FCGR2B: variants seen among roughly 807,000 people sequenced by gnomAD.
FCGR2B encodes low affinity immunoglobulin gamma Fc region receptor II-b.
Under a neutral mutation model 24.8 loss-of-function variants are expected in FCGR2B, and 18 were observed. That is an observed-to-expected ratio of 0.73 (90% CI 0.50 to 1.08). FCGR2B has a LOEUF of 1.08. FCGR2B is among the 50% of genes least tolerant of loss of function. The pLI is 0.00. For missense variants in FCGR2B, 215 were observed against 297.6 expected (o/e 0.72, Z 2.04); for synonymous variants, 79 against 109.8 (o/e 0.72, Z 1.75).
chr1:161,676,868 G>A (rs1475655078), intron 6 of FCGR2B: 2 of 184,084 alleles, frequency 1.1e-5, no homozygotes, highest in Non-Finnish European at 2.2e-5. Flanking sequence ...ATGCCATGGA[G>A]TACCATATTT....
the FCGR2B span, among the ~76,000 whole-genome samples, chr1:161,653,935 A>T: frequency 7.9e-6 from 1 of 127,162 alleles, no homozygotes; most frequent in African/African-American, 2.6e-5. Flanking sequence ...CTGGGAACTG[A>T]CTTGGCTGCG....
At position 161,678,078 on chromosome 1, in the gene FCGR2B, C is replaced by T. The variant is rs574286124; in HGVS notation, c.*525C>T. The T allele has an allele frequency of 9.2e-6, 2 of 218,146 alleles. No homozygotes were observed. The highest frequency in any genetic ancestry group is 1.8e-5 in the Non-Finnish European group (2 of 108,788). 13.5% of individuals were successfully genotyped at this position (218,146 alleles called of 1,614,324 possible). The stretch of plus-strand genomic sequence containing the variant: ...CAACATTCTGTTTACCTTTTCAAGG[C>T]TGTATTGGTTGGAGTGTAGACTGAA... On this transcript the variant is annotated 3_prime_UTR_variant, in exon 8 of 8. Transcript: ENST00000358671.
At chr1:161,649,526 C>A in the FCGR2B span, among the ~76,000 whole-genome samples, 1 of 150,824 alleles carries the variant, frequency 6.6e-6, no homozygotes, top group African/African-American at 2.5e-5. Context: ...TTTTCATGAA[C>A]AATTGATAAA....
chr1:161,650,043 T>A, the FCGR2B span, among the ~76,000 whole-genome samples: 1 of 150,606 alleles, frequency 6.6e-6, no homozygotes, highest in Non-Finnish European at 1.5e-5. Context: ...AGTCTCACTC[T>A]GTTGCCCAAG....
chr1:161,673,251 G>A (rs759071039), intron 4 of FCGR2B, 22 bp downstream of exon 4: 4 of 1,555,274 alleles, frequency 2.6e-6, no homozygotes, highest in Non-Finnish European at 3.5e-6. Flanking sequence ...CTGCCAAGAT[G>A]TAAGGAGGGG....
At chr1:161,661,259 A>G (rs150803036), upstream of FCGR2B, among the ~76,000 whole-genome samples, 209 of 32,548 alleles carry the variant, frequency 6.4e-3, 16 homozygotes, top group African/African-American at 0.014. Flanking sequence ...AGAAAGAAAG[A>G]AAGGAAGGAA....
chr1:161,671,716 G>A lies in FCGR2B; in HGVS notation c.391+67G>A, dbSNP rs990461662. On this transcript the variant is annotated intron_variant, in intron 3 of 7. Coordinates refer to ENST00000358671, the MANE Select transcript of FCGR2B (RefSeq NM_001394477.1). ...GACGGATGAAATCTGCTTTCAGGCA[G>A]AGGTTTGCAGGAAAGGGGGGTGGCC... 3.1e-6 allele frequency: 5 copies of A among 1,604,078 alleles called. No individual in the cohort carries two copies. In the African/African-American group the frequency reaches 6.7e-5, roughly 21 times the overall value.
the FCGR2B span, among the ~76,000 whole-genome samples, chr1:161,652,387 G>A: frequency 1.5e-5 from 2 of 130,062 alleles, no homozygotes; most frequent in Non-Finnish European, 3.4e-5. Context: ...ATCTACTGAT[G>A]ACCCTGTCAA....
Position 161,677,506 on chromosome 1 carries a change from A to G in FCGR2B, c.886A>G (p.Met296Val), listed in dbSNP as rs1239308872. Residue 296 changes from methionine to valine, a missense_variant, in exon 8 of 8, where the codon ATG becomes GTG. Met to Val is a conservative substitution (Grantham distance 21). This residue lies in a region of FCGR2B where 81 missense variants were observed against 81.6 expected (regional missense o/e 0.99). Transcript: ENST00000358671. The part of the protein sequence containing the change: ...AENTITYSLL[M>V]HPDALEEPDD... ...GAACACAATCACCTATTCACTTCTCATGCACCCGGATGCTCTGGAAGAGCC... is the reference window on the plus strand; with the variant it reads ...GAACACAATCACCTATTCACTTCTCGTGCACCCGGATGCTCTGGAAGAGCC... 1.2e-6 allele frequency: 2 copies of G among 1,613,946 alleles called. No individual in the cohort carries two copies. Among genetic ancestry groups the G allele is most frequent in the African/African-American group, 1.3e-5 (1 of 74,974 alleles).
intron 3 of FCGR2B, 46 bp from the exon 4 acceptor site, chr1:161,672,929 T>A (rs1417699093): frequency 6.2e-7 from 1 of 1,611,092 alleles, no homozygotes; most frequent in East Asian, 2.2e-5. Context: ...GTCTCAGAGC[T>A]GAGCCAAGAC....
chr1:161,672,635 T>C (rs1243910866), intron 3 of FCGR2B: 7 of 412,620 alleles, frequency 1.7e-5, no homozygotes, highest in Non-Finnish European at 3.0e-5. Flanking sequence ...TCTCTTGTGT[T>C]CTTCCTGCAG....
At position 161,671,547 on chromosome 1, in the gene FCGR2B, C is replaced by A; in HGVS notation, c.289C>A (p.Pro97Thr). Reference protein sequence around the residue: ...NGNLIPTHTQPSYRFKANNND... With the variant: ...NGNLIPTHTQTSYRFKANNND... ...GAATCTCATTCCCACCCACACGCAG[C>A]CCAGCTACAGGTTCAAGGCCAACAA... is the stretch of plus-strand genomic sequence containing the variant. The change falls in exon 3 of 8, where the codon CCC becomes ACC. Residue 97 changes from proline to threonine, a missense_variant. Physicochemically the swap from Pro to Thr is conservative, Grantham distance 38. This residue lies in a region of FCGR2B where 77 missense variants were observed against 68.8 expected (regional missense o/e 1.12). Coordinates refer to ENST00000358671, the MANE Select transcript of FCGR2B (RefSeq NM_001394477.1). 1 of 1,614,202 alleles carries A rather than the reference C, an allele frequency of 6.2e-7. No individual in the cohort carries two copies. Among genetic ancestry groups the A allele is most frequent in the South Asian group, 1.1e-5 (1 of 91,076 alleles).
the FCGR2B span, among the ~76,000 whole-genome samples, chr1:161,648,742 T>C: frequency 4.6e-5 from 7 of 150,700 alleles, 1 homozygote; most frequent in Non-Finnish European, 1.0e-4. Context: ...CAGGCTGGAG[T>C]ACAGTGGCGC....
the FCGR2B span, among the ~76,000 whole-genome samples, chr1:161,648,882 T>C: frequency 6.6e-6 from 1 of 150,770 alleles, no homozygotes; most frequent in Non-Finnish European, 1.5e-5. Flanking sequence ...TTAATAGAGA[T>C]GGAATTTCAT....
chr1:161,677,852 C>A lies in FCGR2B; in HGVS notation c.*299C>A. The A allele has an allele frequency of 2.8e-6, 1 of 358,946 alleles. No homozygotes were observed. The highest frequency in any genetic ancestry group is 5.0e-6 in the Non-Finnish European group (1 of 200,944). The allele number at this position is 358,946 out of a possible 1,614,324, so 22.2% of individuals were successfully genotyped here. On this transcript the variant is annotated 3_prime_UTR_variant, in exon 8 of 8. Transcript: ENST00000358671. Reference sequence around the variant, plus strand: ...AACCACTGTTATTAACAGATAATAGCAACTTGGGAAATGCTTATGTTACAG... The same window carrying A: ...AACCACTGTTATTAACAGATAATAGAAACTTGGGAAATGCTTATGTTACAG...
intron 6 of FCGR2B, chr1:161,676,285 C>G (rs1262370514): frequency 9.6e-6 from 2 of 207,384 alleles, no homozygotes; most frequent in African/African-American, 4.6e-5. Context: ...AGAGCTTGAG[C>G]AAAATATCAC....
At chr1:161,654,232 G>A in the FCGR2B span, among the ~76,000 whole-genome samples, 3 of 131,254 alleles carry the variant, frequency 2.3e-5, no homozygotes, top group African/African-American at 7.5e-5. Flanking sequence ...AGTTTTAGTC[G>A]GGCCTTCTGT....
intron 6 of FCGR2B, chr1:161,676,127 C>A (rs1230693792): frequency 8.7e-6 from 2 of 229,954 alleles, no homozygotes; most frequent in Non-Finnish European, 8.6e-6. Flanking sequence ...CAGGCAACTT[C>A]CAGACTGTAG....
chr1:161,674,952 C>A (rs949928075), intron 5 of FCGR2B: 2 of 314,800 alleles, frequency 6.4e-6, no homozygotes, highest in Non-Finnish European at 1.2e-5. Flanking sequence ...TACAGAGAAA[C>A]AGAGAGAGAG....
Sources: allele counts gnomAD v4.1 joint callset (sites outside exome capture counted in the v4.1 genomes callset), GRCh38; gene constraint gnomAD v4.1.1; regional missense constraint gnomAD v4.1.1; transcripts MANE v1.5; gene names NCBI Gene and HGNC (gene_info 2026-07-23, HGNC 2026-07-21).